DCHS2: variants seen among roughly 807,000 people sequenced by gnomAD.
DCHS2 encodes the protein protocadherin-23.
In DCHS2, 142 loss-of-function variants were observed where a neutral mutation model predicts 182.4. The ratio of observed to expected loss-of-function variants is 0.78; its 90% CI spans 0.68 to 0.89. DCHS2 has a LOEUF of 0.89. Ranked by LOEUF, DCHS2 falls within the 40% of genes least tolerant of loss-of-function variation. The pLI is 0.00. For synonymous variants in DCHS2, 1,740 were observed against 1,663.3 expected (o/e 1.05, Z -1.12); for missense variants, 4,319 against 4,198.6 (o/e 1.03, Z -0.79).
Position 154,474,787 on chromosome 4 carries a change from G to A in DCHS2, c.2052+14517C>T, listed in dbSNP as rs375581038. ...TAAGGATAAGAGCAATACCTTCCAT[G>A]CAGGGTGTTGTGAAAATGAAACAAG... On this transcript the variant is annotated intron_variant, in intron 1 of 19. Transcript: ENST00000357232. 3.0e-3 allele frequency among the ~76,000 whole-genome samples: 453 copies of A among 152,232 alleles called. 20 individuals carry two copies. The South Asian group carries it at 0.069, about 23-fold the overall frequency.
intron 1 of DCHS2, among the ~76,000 whole-genome samples, chr4:154,427,117 ACAT>A (rs761526403): frequency 6.6e-6 from 1 of 152,246 alleles, no homozygotes; most frequent in Non-Finnish European, 1.5e-5. Flanking sequence ...ATGTATGGAA[ACAT>A]CATAAGTACC....
chr4:154,402,509 C>A (rs989811504), intron 1 of DCHS2, among the ~76,000 whole-genome samples: 7 of 152,170 alleles, frequency 4.6e-5, no homozygotes, highest in Admixed American at 2.0e-4. Flanking sequence ...TTAGTCTGTT[C>A]TCACACTGCT....
intron 1 of DCHS2, among the ~76,000 whole-genome samples, chr4:154,407,663 A>G (rs527970019): frequency 4.4e-4 from 67 of 152,150 alleles, no homozygotes; most frequent in Non-Finnish European, 8.8e-4. Flanking sequence ...CCACTATGCC[A>G]GTGAGGTGCC....
Position 154,259,800 on chromosome 4 carries a change from G to A in DCHS2, c.6578-44C>T, listed in dbSNP as rs188344859. On this transcript the variant is annotated intron_variant, in intron 14 of 19. Transcript: ENST00000357232. ...AGAAAAAAAAGAAAATGATGTTGTA[G>A]TTATTCTTTTATTTTTTATTTTATT... 5 of 1,524,304 alleles carry A rather than the reference G, an allele frequency of 3.3e-6. No individual in the cohort carries two copies. The East Asian group carries it at 9.3e-5, about 29-fold the overall frequency. 94.4% of individuals were successfully genotyped at this position (1,524,304 alleles called of 1,614,324 possible).
At chr4:154,448,101 T>C (rs192931306) in intron 1 of DCHS2, among the ~76,000 whole-genome samples, 108 of 152,282 alleles carry the variant, frequency 7.1e-4, no homozygotes, top group South Asian at 3.3e-3. Flanking sequence ...CCTCTGAGGC[T>C]GCTTTCCCTC....
At chr4:154,457,547 C>G (rs867375114) in intron 1 of DCHS2, among the ~76,000 whole-genome samples, 1 of 152,188 alleles carries the variant, frequency 6.6e-6, no homozygotes, top group Non-Finnish European at 1.5e-5. Flanking sequence ...TTGGCTCATC[C>G]CCAAAACAGC....
At chr4:154,281,398 G>A (rs918030418) in intron 13 of DCHS2, among the ~76,000 whole-genome samples, 1 of 151,934 alleles carries the variant, frequency 6.6e-6, no homozygotes, top group African/African-American at 2.4e-5. Flanking sequence ...TAAGCAATCT[G>A]AAAAGAAAAT....
chr4:154,404,388 T>C (rs534865804), intron 1 of DCHS2, among the ~76,000 whole-genome samples: 10 of 152,350 alleles, frequency 6.6e-5, no homozygotes, highest in African/African-American at 2.4e-4. Flanking sequence ...CAGAACATAG[T>C]CTATGACTTC....
chr4:154,307,333 A>G (rs929149813), intron 10 of DCHS2, among the ~76,000 whole-genome samples: 3 of 152,156 alleles, frequency 2.0e-5, no homozygotes, highest in African/African-American at 7.2e-5. Flanking sequence ...TATCCTTATG[A>G]CACATGCCCA....
chr4:154,342,271 G>A (rs1431842439), intron 3 of DCHS2, among the ~76,000 whole-genome samples: 2 of 152,112 alleles, frequency 1.3e-5, no homozygotes, highest in Non-Finnish European at 2.9e-5. Context: ...TCTTCTTGCT[G>A]GTGGAGGGGC....
intron 1 of DCHS2, among the ~76,000 whole-genome samples, chr4:154,412,130 A>G (rs1245786945): frequency 6.6e-6 from 1 of 152,240 alleles, no homozygotes; most frequent in South Asian, 2.1e-4. Flanking sequence ...AGATAGTTAT[A>G]AGGGAAATAC....
intron 1 of DCHS2, among the ~76,000 whole-genome samples, chr4:154,472,614 C>T (rs948776940): frequency 5.3e-5 from 8 of 152,258 alleles, no homozygotes; most frequent in East Asian, 1.9e-4. Flanking sequence ...CTCACCAAAA[C>T]GTCTACAATT....
chr4:154,327,999 T>C, intron 7 of DCHS2, 94 bp downstream of exon 7: 1 of 821,812 alleles, frequency 1.2e-6, no homozygotes, highest in East Asian at 2.9e-5. Context: ...TTCAAAGTAA[T>C]CAAAATAGAA....
intron 19 of DCHS2, 110 bp from the exon 20 acceptor site, chr4:154,237,269 G>A: frequency 7.3e-7 from 1 of 1,370,310 alleles, no homozygotes; most frequent in Non-Finnish European, 9.6e-7. Flanking sequence ...TTCTTTGTTA[G>A]ATCTGTTAAG....
intron 3 of DCHS2, among the ~76,000 whole-genome samples, chr4:154,353,908 G>A (rs13138970): frequency 0.3 from 45,850 of 152,074 alleles, 8,481 homozygotes; most frequent in Non-Finnish European, 0.41. Context: ...ATACTCCAAA[G>A]TTTGAAGACC....
chr4:154,307,441 G>GCA (rs34718837), intron 10 of DCHS2, among the ~76,000 whole-genome samples: 9,848 of 150,002 alleles, frequency 0.066, 361 homozygotes, highest in African/African-American at 0.1. Context: ...ATGTGCGCGC[G>GCA]CACACACACA....
intron 16 of DCHS2, among the ~76,000 whole-genome samples, chr4:154,252,090 T>TA (rs550192083): frequency 1.2e-4 from 18 of 152,276 alleles, no homozygotes; most frequent in Admixed American, 8.5e-4. Flanking sequence ...ATTATTATTT[T>TA]AAAAAATGCA....
intron 3 of DCHS2, among the ~76,000 whole-genome samples, chr4:154,358,296 C>T (rs751240278): frequency 5.3e-5 from 8 of 152,260 alleles, no homozygotes; most frequent in Non-Finnish European, 1.0e-4. Context: ...AGGTTGTGCT[C>T]AAGTTCCATC....
intron 17 of DCHS2, among the ~76,000 whole-genome samples, chr4:154,241,616 T>C (rs1420111824): frequency 6.6e-6 from 1 of 152,160 alleles, no homozygotes; most frequent in Non-Finnish European, 1.5e-5. Flanking sequence ...AATTTTCCAT[T>C]TTCAAGCTTG....
Sources: allele counts gnomAD v4.1 joint callset (sites outside exome capture counted in the v4.1 genomes callset), GRCh38; gene constraint gnomAD v4.1.1; transcripts MANE v1.5; gene names NCBI Gene and HGNC (gene_info 2026-07-23, HGNC 2026-07-21).